Variants in ASTN2 observed in about 807,000 individuals in gnomAD.
The protein encoded by ASTN2 is astrotactin-2.
ASTN2 carries 54 observed loss-of-function variants against 139.8 expected under a neutral mutation model. That is an observed-to-expected ratio of 0.39 (90% confidence interval 0.31 to 0.48). The LOEUF (loss-of-function observed/expected upper bound fraction) is 0.48. Ranked by LOEUF, ASTN2 falls within the 20% of genes least tolerant of loss-of-function variation. The pLI is 0.95. For synonymous variants in ASTN2, 756 were observed against 719.5 expected (o/e 1.05, Z -0.81); for missense variants, 1,565 against 1,725.1 (o/e 0.91, Z 1.64).
At chr9:117,108,558 C>T (rs2132781541) in intron 4 of ASTN2, among the ~76,000 whole-genome samples, 1 of 152,010 alleles carries the variant, frequency 6.6e-6, no homozygotes, top group East Asian at 1.9e-4. Context: ...TTTCTGCCAT[C>T]AGAGAGCTTA....
chr9:117,141,081 C>G (rs779584050), intron 4 of ASTN2, among the ~76,000 whole-genome samples: 2 of 152,140 alleles, frequency 1.3e-5, no homozygotes, highest in Non-Finnish European at 2.9e-5. Context: ...AGTTGCTAAT[C>G]TCAATCACTG....
At chr9:116,518,377 A>C (rs1031057275) in intron 19 of ASTN2, among the ~76,000 whole-genome samples, 4 of 152,146 alleles carry the variant, frequency 2.6e-5, no homozygotes, top group Non-Finnish European at 4.4e-5. Flanking sequence ...CAAAAGAATT[A>C]CCAGCCAGGA....
chr9:116,726,346 A>G (rs1193311493), intron 15 of ASTN2, among the ~76,000 whole-genome samples: 2 of 152,204 alleles, frequency 1.3e-5, no homozygotes, highest in Non-Finnish European at 2.9e-5. Context: ...ATCATATATA[A>G]TTTGACAACA....
At chr9:116,502,943 G>T (rs528133030) in intron 19 of ASTN2, among the ~76,000 whole-genome samples, 2 of 122,538 alleles carry the variant, frequency 1.6e-5, no homozygotes, top group African/African-American at 6.3e-5. Context: ...TGGAAGGAAA[G>T]AAAAAAAGGA....
In ASTN2 at chr9:117,211,266, G is replaced by A. The variant is rs185353163; in HGVS notation, c.1015+3092C>T. On this transcript the variant is annotated intron_variant, in intron 3 of 22. Transcript: ENST00000313400. ...TATCTTATTCCCAGAAAAACCTAAA[G>A]AGTCTACCTAAACGTCTTAGAAATG... is the stretch of plus-strand genomic sequence containing the variant. Among the ~76,000 whole-genome samples, 347 of 152,252 alleles carry A rather than the reference G, an allele frequency of 2.3e-3. 1 individual carries two copies. The highest frequency in any genetic ancestry group is 4.6e-3 in the Admixed American group (70 of 15,284).
intron 15 of ASTN2, among the ~76,000 whole-genome samples, chr9:116,728,415 A>G (rs187772620): frequency 2.6e-5 from 4 of 152,186 alleles, no homozygotes; most frequent in African/African-American, 9.6e-5. Context: ...AGGGAACGGT[A>G]TGGGCAAAGT....
At chr9:117,316,773 T>C (rs1469885717) in intron 1 of ASTN2, among the ~76,000 whole-genome samples, 2 of 152,148 alleles carry the variant, frequency 1.3e-5, no homozygotes, top group Non-Finnish European at 2.9e-5. Flanking sequence ...CACAAACTGC[T>C]ATGGGGGCGT....
intron 5 of ASTN2, among the ~76,000 whole-genome samples, chr9:117,086,237 C>A (rs1389709973): frequency 6.6e-6 from 1 of 152,120 alleles, no homozygotes; most frequent in Non-Finnish European, 1.5e-5. Context: ...GGCCCAAAGC[C>A]TTGCTCAAAG....
At chr9:116,971,835 T>C (rs1836217044) in intron 10 of ASTN2, among the ~76,000 whole-genome samples, 1 of 152,204 alleles carries the variant, frequency 6.6e-6, no homozygotes, top group Non-Finnish European at 1.5e-5. Context: ...CATCACTCCA[T>C]ATATGATATG....
At chr9:117,103,998 A>G (rs1205401380) in intron 4 of ASTN2, among the ~76,000 whole-genome samples, 1 of 95,816 alleles carries the variant, frequency 1.0e-5, no homozygotes, top group Non-Finnish European at 2.3e-5. Flanking sequence ...GGCACTTTAC[A>G]CAGAGGTTAC....
At chr9:117,305,458 T>C (rs962753431) in intron 1 of ASTN2, among the ~76,000 whole-genome samples, 2 of 152,172 alleles carry the variant, frequency 1.3e-5, no homozygotes, top group Non-Finnish European at 2.9e-5. Flanking sequence ...CTCCCCAATA[T>C]AGCACAGGGC....
chr9:116,454,380 C>G (rs1160188973), intron 20 of ASTN2, among the ~76,000 whole-genome samples: 1 of 151,398 alleles, frequency 6.6e-6, no homozygotes, highest in East Asian at 1.9e-4. Flanking sequence ...CTAGACAAGA[C>G]AATTCATCAA....
chr9:116,737,273 G>A (rs886099905), intron 13 of ASTN2, among the ~76,000 whole-genome samples: 3 of 152,152 alleles, frequency 2.0e-5, no homozygotes, highest in Admixed American at 6.5e-5. Context: ...CAGCTGTTTC[G>A]GGAGGCAAAA....
At chr9:116,649,781 T>C (rs941079319) in intron 17 of ASTN2, among the ~76,000 whole-genome samples, 3 of 151,944 alleles carry the variant, frequency 2.0e-5, no homozygotes, top group African/African-American at 4.8e-5. Context: ...CACAATCTAA[T>C]CCCATCAGCC....
In ASTN2 at chr9:117,395,571, C is replaced by G. The variant is rs142268817; in HGVS notation, c.442+18926G>C. Among the ~76,000 whole-genome samples, 165 of 152,324 alleles carry G rather than the reference C, an allele frequency of 1.1e-3. 2 individuals are homozygous for G. The highest frequency in any genetic ancestry group is 2.0e-3 in the Admixed American group (31 of 15,302). On this transcript the variant is annotated intron_variant, in intron 1 of 22. Transcript: ENST00000313400. ...CCAGTGGAGACAAAAGAACTCAAGG[C>G]TGGTGTTCTGAGTTCTGTGTTCATA...
intron 16 of ASTN2, among the ~76,000 whole-genome samples, chr9:116,710,177 C>T (rs1312741962): frequency 1.3e-5 from 2 of 152,150 alleles, no homozygotes; most frequent in Non-Finnish European, 2.9e-5. Context: ...TACCCTACAC[C>T]CCTCACCTCC....
intron 17 of ASTN2, among the ~76,000 whole-genome samples, chr9:116,650,374 A>C (rs1206497285): frequency 6.6e-6 from 1 of 152,192 alleles, no homozygotes; most frequent in Non-Finnish European, 1.5e-5. Flanking sequence ...TCTATAATTA[A>C]AAGTGAGAGA....
chr9:117,118,902 C>T (rs1246882485), intron 4 of ASTN2, among the ~76,000 whole-genome samples: 1 of 152,150 alleles, frequency 6.6e-6, no homozygotes, highest in Non-Finnish European at 1.5e-5. Flanking sequence ...CTCCCTTCCT[C>T]CACCTCCTCA....
intron 17 of ASTN2, among the ~76,000 whole-genome samples, chr9:116,632,947 T>C (rs890417761): frequency 9.2e-5 from 14 of 152,224 alleles, no homozygotes; most frequent in Admixed American, 3.3e-4. Flanking sequence ...AGGTACTCCA[T>C]AAAAGTTTGT....
Sources: allele counts gnomAD v4.1 joint callset (sites outside exome capture counted in the v4.1 genomes callset), GRCh38; gene constraint gnomAD v4.1.1; transcripts MANE v1.5; gene names NCBI Gene and HGNC (gene_info 2026-07-23, HGNC 2026-07-21).